The following RGS9 variants were observed in gnomAD, a reference collection of about 807,000 sequenced individuals.
The protein encoded by RGS9 is regulator of G-protein signalling 9.
In RGS9, 78 loss-of-function variants were observed where a neutral mutation model predicts 102.0. That is an observed-to-expected ratio of 0.76 (90% CI 0.64 to 0.92). The LOEUF is 0.92. Ranked by LOEUF, RGS9 falls within the 40% of genes least tolerant of loss-of-function variation. RGS9 has a pLI of 0.00. For missense variants in RGS9, 833 were observed against 866.1 expected (o/e 0.96, Z 0.48); for synonymous variants, 353 against 318.6 (o/e 1.11, Z -1.15).
At chr17:65,208,265 CAATAATT>C (rs1340535822) in intron 16 of RGS9, among the ~76,000 whole-genome samples, 1 of 152,144 alleles carries the variant, frequency 6.6e-6, no homozygotes, top group Non-Finnish European at 1.5e-5. Context: ...AGGATCAGAC[CAATAATT>C]ACCCTTATCA....
intron 9 of RGS9, among the ~76,000 whole-genome samples, chr17:65,186,781 C>T (rs1912140680): frequency 6.6e-6 from 1 of 152,198 alleles, no homozygotes; most frequent in Non-Finnish European, 1.5e-5. Context: ...ATAATAAAAT[C>T]TCCTTACCTT....
intron 15 of RGS9, among the ~76,000 whole-genome samples, chr17:65,206,679 A>C (rs953842075): frequency 6.6e-6 from 1 of 152,156 alleles, no homozygotes; most frequent in African/African-American, 2.4e-5. Context: ...TCCGTCTCAA[A>C]AAACAAACAA....
intron 15 of RGS9, among the ~76,000 whole-genome samples, chr17:65,206,776 A>C (rs1183448936): frequency 6.6e-6 from 1 of 152,230 alleles, no homozygotes; most frequent in Non-Finnish European, 1.5e-5. Context: ...TGGAACAGTC[A>C]TTGGTAACTG....
intron 8 of RGS9, among the ~76,000 whole-genome samples, chr17:65,177,055 GTCCA>G (rs35750645): frequency 0.66 from 88,067 of 132,588 alleles, 29,879 homozygotes; most frequent in Non-Finnish European, 0.77. Context: ...TCATTTGTTT[GTCCA>G]TCCATCCATC....
chr17:65,151,457 T>C (rs999957092), intron 1 of RGS9, among the ~76,000 whole-genome samples: 2 of 152,252 alleles, frequency 1.3e-5, no homozygotes, highest in Non-Finnish European at 2.9e-5. Context: ...TAGTCAGGGC[T>C]GTCCCTGTGG....
At chr17:65,184,495 T>A (rs1287184815) in intron 9 of RGS9, among the ~76,000 whole-genome samples, 1 of 152,116 alleles carries the variant, frequency 6.6e-6, no homozygotes, top group Non-Finnish European at 1.5e-5. Flanking sequence ...AGGGACCTTA[T>A]GTCTATTATC....
rs1912614396 is a variant in RGS9 at position 65,196,944 on chromosome 17, GGA to G, written c.861-181_861-180del. Among the ~76,000 whole-genome samples, 5 of 152,194 alleles carry G rather than the reference GGA, an allele frequency of 3.3e-5. No individual in the cohort carries two copies. The South Asian group carries it at 1.0e-3, about 32-fold the overall frequency. ...TCATGTCTTTGATGTGAGCCCCGGG[GGA>G]CTTGTCTGTGGCTGCATCTTCCTAG... On this transcript the variant is annotated intron_variant, in intron 12 of 18. Coordinates refer to ENST00000262406, the MANE Select transcript of RGS9 (RefSeq NM_003835.4).
chr17:65,160,069 G>A (rs902545145), intron 3 of RGS9, among the ~76,000 whole-genome samples, 164 bp from the exon 4 acceptor site: 1 of 152,202 alleles, frequency 6.6e-6, no homozygotes, highest in African/African-American at 2.4e-5. Context: ...CCCAGCTCAC[G>A]CTTGTCCACA....
chr17:65,177,638 A>C (rs9896245), intron 8 of RGS9, 94 bp from the exon 9 acceptor site: 27 of 1,219,594 alleles, frequency 2.2e-5, no homozygotes, highest in South Asian at 3.6e-5. Context: ...TTCTCAGCTC[A>C]ATCTCACAAT....
intron 13 of RGS9, among the ~76,000 whole-genome samples, chr17:65,200,560 C>T (rs1912792901): frequency 6.6e-6 from 1 of 152,216 alleles, no homozygotes; most frequent in Admixed American, 6.5e-5. Flanking sequence ...CATCACTGGT[C>T]TGTGATCTCA....
chr17:65,141,373 C>A (rs1910150635), intron 1 of RGS9, among the ~76,000 whole-genome samples: 1 of 152,220 alleles, frequency 6.6e-6, no homozygotes, highest in African/African-American at 2.4e-5. Flanking sequence ...TTGGGATTCA[C>A]CATGGGCGAA....
At chr17:65,212,613 G>A (rs1367954919) in intron 17 of RGS9, among the ~76,000 whole-genome samples, 2 of 152,188 alleles carry the variant, frequency 1.3e-5, no homozygotes, top group African/African-American at 4.8e-5. Context: ...TAGAGAGTGG[G>A]CAGGGGCCAG....
intron 15 of RGS9, among the ~76,000 whole-genome samples, chr17:65,204,758 T>C (rs945544036): frequency 5.9e-5 from 9 of 152,108 alleles, no homozygotes; most frequent in Admixed American, 1.3e-4. Context: ...ATAACAGCCA[T>C]CATTCGTTGA....
rs141493191 is a variant in RGS9 at position 65,225,196 on chromosome 17, G to A, written c.1602G>A (p.Ser534=). The part of the protein sequence containing the change: ...SPIRVALESS[S]GLEQKGECSG... ...TCAGAGTGGCCTTGGAGAGCTCATCGGGCTTGGAGCAGAAAGGGGAGTGCA... is the reference window on the plus strand; with the variant it reads ...TCAGAGTGGCCTTGGAGAGCTCATCAGGCTTGGAGCAGAAAGGGGAGTGCA... The change falls in exon 18 of 19, where the codon TCG becomes TCA. Residue 534 remains serine, a synonymous_variant. Coordinates refer to ENST00000262406, the MANE Select transcript of RGS9 (RefSeq NM_003835.4). 53 of 1,613,256 alleles carry A rather than the reference G, an allele frequency of 3.3e-5. No homozygotes were observed. The African/African-American group carries it at 5.2e-4, about 16-fold the overall frequency.
intron 1 of RGS9, among the ~76,000 whole-genome samples, chr17:65,150,420 G>A (rs1299027502): frequency 2.0e-5 from 3 of 152,114 alleles, no homozygotes; most frequent in Admixed American, 1.3e-4. Flanking sequence ...TCAGGAGTTC[G>A]AGACCAGCCT....
chr17:65,168,241 A>T lies in RGS9; in HGVS notation c.542A>T (p.Asp181Val). The T allele has an allele frequency of 6.2e-7, 1 of 1,611,822 alleles. No individual in the cohort carries two copies. ...AACAAAGCAGACAGATATGCCCTGG[A>T]CTGCCAGGAGAAGGCATACTGGCTG... ...ERNKADRYAL[D>V]CQEKAYWLVH... The change falls in exon 8 of 19, where the codon GAC becomes GTC. Residue 181 changes from aspartate to valine, a missense_variant. This residue lies in a region of RGS9 where 328 missense variants were observed against 340.6 expected (regional missense o/e 0.96). Transcript: ENST00000262406.
chr17:65,156,006 C>T (rs1374917580), intron 2 of RGS9, among the ~76,000 whole-genome samples: 1 of 151,602 alleles, frequency 6.6e-6, no homozygotes, highest in Non-Finnish European at 1.5e-5. Flanking sequence ...CTCCAGAGTC[C>T]ATATATATAT....
In RGS9 at chr17:65,137,556, C is replaced by A. The variant is rs776631498; in HGVS notation, c.16C>A (p.Gln6Lys). The A allele has an allele frequency of 6.2e-7, 1 of 1,612,712 alleles. No homozygotes were observed. The highest frequency in any genetic ancestry group is 1.3e-5 in the African/African-American group (1 of 75,036). The change falls in exon 1 of 19, where the codon CAA becomes AAA. Residue 6 changes from glutamine (Q) to lysine (K), a missense_variant. By Grantham distance (53) the Gln-to-Lys change is moderately conservative (BLOSUM62 1). Coordinates refer to ENST00000262406, the MANE Select transcript of RGS9 (RefSeq NM_003835.4). Reference sequence around the variant, plus strand: ...AGGGGCCAGGATGACAATCCGACACCAAGGCCAGCAGTACAGGCCGAGGAT... The same window carrying A: ...AGGGGCCAGGATGACAATCCGACACAAAGGCCAGCAGTACAGGCCGAGGAT... MTIRHQGQQYRPRMAF... is the reference protein window; with the variant it reads MTIRHKGQQYRPRMAF...
Position 65,170,501 on chromosome 17 carries a change from C to A in RGS9, c.582+2220C>A, listed in dbSNP as rs1911374120. Among the ~76,000 whole-genome samples the A allele has an allele frequency of 1.3e-5, 2 of 152,224 alleles. 1 individual carries two copies. The highest frequency in any genetic ancestry group is 4.1e-4 in the South Asian group (2 of 4,828). On this transcript the variant is annotated intron_variant, in intron 8 of 18. Transcript: ENST00000262406. Reference sequence around the variant, plus strand: ...GTTAGTGCCAGAGGGTCTGAACCCACATACCACTGACTGTGGAGCACCAAC... The same window carrying A: ...GTTAGTGCCAGAGGGTCTGAACCCAAATACCACTGACTGTGGAGCACCAAC...
Sources: allele counts gnomAD v4.1 joint callset (sites outside exome capture counted in the v4.1 genomes callset), GRCh38; gene constraint gnomAD v4.1.1; regional missense constraint gnomAD v4.1.1; transcripts MANE v1.5; gene names NCBI Gene and HGNC (gene_info 2026-07-23, HGNC 2026-07-21).